Variants in PTPRT observed in about 807,000 individuals in gnomAD.
PTPRT encodes receptor-type tyrosine-protein phosphatase T.
A neutral mutation model predicts 176.8 loss-of-function variants in PTPRT; 56 were observed. The observed-to-expected ratio is 0.32, with a 90% CI of 0.26 to 0.40. PTPRT has a LOEUF of 0.40. PTPRT is among the 10% of genes least tolerant of loss of function. The pLI is 1.00. For synonymous variants in PTPRT, 783 were observed against 739.0 expected, an observed-to-expected ratio of 1.06 and a Z score of -0.96; for missense variants, 1,540 against 1,908.2, an observed-to-expected ratio of 0.81 and a Z score of 3.60.
intron 7 of PTPRT, among the ~76,000 whole-genome samples, chr20:42,616,536 C>T (rs1186675178): frequency 1.3e-4 from 17 of 126,614 alleles, no homozygotes; most frequent in Admixed American, 1.5e-4. Flanking sequence ...GGCAGTATGG[C>T]CATTTTCACA....
Position 42,272,396 on chromosome 20 carries a change from A to AT in PTPRT, c.2176+10092dup, listed in dbSNP as rs778892746. ...TTGCTAACTCCTGTTCTAAGTGGCT[A>AT]TTTTTTAGGGTTTTTTTTTTAACCC... is the stretch of plus-strand genomic sequence containing the variant. On this transcript the variant is annotated intron_variant, in intron 13 of 30. Transcript: ENST00000373187. Among the ~76,000 whole-genome samples the AT allele has an allele frequency of 6.6e-5, 10 of 151,912 alleles. No individual in the cohort carries two copies. In the South Asian group the frequency reaches 1.2e-3, roughly 19 times the overall value.
intron 10 of PTPRT, among the ~76,000 whole-genome samples, chr20:42,351,818 C>A (rs1049371902): frequency 6.6e-6 from 1 of 152,212 alleles, no homozygotes. Flanking sequence ...TATACATTAT[C>A]TACACACACG....
intron 6 of PTPRT, among the ~76,000 whole-genome samples, chr20:42,691,999 G>A (rs1350286989): frequency 6.6e-6 from 1 of 152,144 alleles, no homozygotes; most frequent in Non-Finnish European, 1.5e-5. Context: ...CATAGGCCCA[G>A]GGAACTCAAT....
chr20:43,097,161 G>A (rs1242122895), intron 1 of PTPRT, among the ~76,000 whole-genome samples: 2 of 152,180 alleles, frequency 1.3e-5, no homozygotes, highest in South Asian at 2.1e-4. Flanking sequence ...CACAGTAAGG[G>A]AGCCAGGAAG....
At chr20:42,043,215 G>A in the PTPRT span, among the ~76,000 whole-genome samples, 1 of 152,208 alleles carries the variant, frequency 6.6e-6, no homozygotes, top group Admixed American at 6.5e-5. Context: ...GTGGAGGTAG[G>A]GGTGAAGAAT....
intron 1 of PTPRT, among the ~76,000 whole-genome samples, chr20:43,171,583 G>C (rs1251230824): frequency 6.6e-6 from 1 of 152,174 alleles, no homozygotes; most frequent in Non-Finnish European, 1.5e-5. Flanking sequence ...GATTTGATTG[G>C]CCAAAGACCC....
intron 9 of PTPRT, among the ~76,000 whole-genome samples, chr20:42,355,919 G>A (rs1001685491): frequency 6.6e-6 from 1 of 152,104 alleles, no homozygotes; most frequent in Non-Finnish European, 1.5e-5. Flanking sequence ...GCGCTCTTCT[G>A]CTCTCCTAAC....
chr20:42,945,802 TCA>T (rs993607947), intron 1 of PTPRT, among the ~76,000 whole-genome samples: 2 of 152,012 alleles, frequency 1.3e-5, no homozygotes, highest in African/African-American at 4.8e-5. Flanking sequence ...TGTTGTGCAA[TCA>T]CACTTCTATC....
intron 11 of PTPRT, among the ~76,000 whole-genome samples, chr20:42,327,929 C>T (rs146047494): frequency 2.6e-4 from 40 of 151,792 alleles, no homozygotes; most frequent in African/African-American, 7.0e-4. Flanking sequence ...TCAGGTACAG[C>T]GGATAAAAAT....
Position 42,885,516 on chromosome 20 carries a change from G to A in PTPRT, c.214+291C>T, listed in dbSNP as rs543781060. On this transcript the variant is annotated intron_variant, in intron 2 of 30. Transcript: ENST00000373187. The stretch of plus-strand genomic sequence containing the variant: ...TCTTCAGAAGCTCTTTCCCTGACAC[G>A]CCACTGTCATCAGGCTCCCAAGCAA... 1.3e-4 allele frequency among the ~76,000 whole-genome samples: 19 copies of A among 151,942 alleles called. No individual in the cohort carries two copies. The East Asian group carries it at 3.1e-3, about 25-fold the overall frequency.
rs150068760 is a variant in PTPRT at position 43,140,114 on chromosome 20, A to G, written c.88+49532T>C. Among the ~76,000 whole-genome samples, 63 of 152,304 alleles carry G rather than the reference A, an allele frequency of 4.1e-4. No individual in the cohort carries two copies. The East Asian group carries it at 8.7e-3, about 21-fold the overall frequency. On this transcript the variant is annotated intron_variant, in intron 1 of 30. Coordinates refer to ENST00000373187, the MANE Select transcript of PTPRT (RefSeq NM_007050.6). ...CTCTCAGTGATAATTTATGCAAAAA[A>G]CTACATGTATTTAAATATGTGTGTG...
chr20:42,574,903 C>T (rs369878564), intron 7 of PTPRT, among the ~76,000 whole-genome samples: 11 of 152,098 alleles, frequency 7.2e-5, no homozygotes, highest in Non-Finnish European at 1.5e-4. Context: ...TCTCTCCTGC[C>T]ATCCTGCCAT....
rs973538637 is a variant in PTPRT at position 42,668,848 on chromosome 20, C to T, written c.1153+9018G>A. On this transcript the variant is annotated intron_variant, in intron 7 of 30. Transcript: ENST00000373187. ...CTGGGACTACAGGCGCCCGCCACCA[C>T]GCCCAGCTAATTTTTTTTTTTTTTT... 6.1e-5 allele frequency among the ~76,000 whole-genome samples: 9 copies of T among 146,824 alleles called. No individual in the cohort carries two copies. In the South Asian group the frequency reaches 1.3e-3, roughly 22 times the overall value.
chr20:42,807,968 T>C (rs1039617302), intron 2 of PTPRT, among the ~76,000 whole-genome samples: 4 of 152,202 alleles, frequency 2.6e-5, no homozygotes, highest in African/African-American at 9.6e-5. Flanking sequence ...GCCAGGGCAC[T>C]TAGGCACACA....
At chr20:42,175,684 G>GA (rs11480504) in intron 16 of PTPRT, among the ~76,000 whole-genome samples, 49,730 of 151,848 alleles carry the variant, frequency 0.33, 8,747 homozygotes, top group East Asian at 0.39. Context: ...TATCTCAAAG[G>GA]AAAAAACCAG....
chr20:42,435,453 T>C (rs932947721), intron 9 of PTPRT, among the ~76,000 whole-genome samples: 2 of 152,014 alleles, frequency 1.3e-5, no homozygotes, highest in Non-Finnish European at 2.9e-5. Context: ...GTGAAAGAGC[T>C]TTCTGGCAAT....
rs188223721 is a variant in PTPRT at position 42,923,384 on chromosome 20, A to T, written c.89-37452T>A. ...ATTGATCTGGGCTCATGGTCCGTGA[A>T]TTTGCAATCTCTAAGCCAAATGGCC... On this transcript the variant is annotated intron_variant, in intron 1 of 30. Coordinates refer to ENST00000373187, the MANE Select transcript of PTPRT (RefSeq NM_007050.6). Among the ~76,000 whole-genome samples the T allele has an allele frequency of 7.0e-4, 107 of 152,348 alleles. 1 individual carries two copies. Among genetic ancestry groups the T allele is most frequent in the African/African-American group, 2.5e-3 (102 of 41,582 alleles).
chr20:42,420,655 G>T (rs1458426688), intron 9 of PTPRT, among the ~76,000 whole-genome samples: 1 of 152,144 alleles, frequency 6.6e-6, no homozygotes, highest in African/African-American at 2.4e-5. Flanking sequence ...CACTGATGTA[G>T]TCCTCACAGC....
At chr20:42,594,741 A>C (rs1601337689) in intron 7 of PTPRT, among the ~76,000 whole-genome samples, 1 of 152,272 alleles carries the variant, frequency 6.6e-6, no homozygotes, top group South Asian at 2.1e-4. Flanking sequence ...AAGCCAAGAC[A>C]TATCAAATAT....
Sources: allele counts gnomAD v4.1 joint callset (sites outside exome capture counted in the v4.1 genomes callset), GRCh38; gene constraint gnomAD v4.1.1; transcripts MANE v1.5; gene names NCBI Gene and HGNC (gene_info 2026-07-23, HGNC 2026-07-21).